Variants in TNC observed in about 807,000 individuals in gnomAD.
TNC encodes the protein tenascin C, also known as tenascin.
In TNC, 109 loss-of-function variants were observed where a neutral mutation model predicts 202.4. The observed-to-expected ratio is 0.54, with a 90% CI of 0.46 to 0.63. The LOEUF is 0.63. TNC is among the 30% of genes least tolerant of loss of function. The probability of loss-of-function intolerance (pLI) is 0.00; values close to 1 mark genes in which losing one functional copy is unlikely to be tolerated. For synonymous variants in TNC, 1,007 were observed against 1,089.7 expected, an observed-to-expected ratio of 0.92 and a Z score of 1.50; for missense variants, 2,756 against 2,833.3, an observed-to-expected ratio of 0.97 and a Z score of 0.62.
intron 1 of TNC, among the ~76,000 whole-genome samples, chr9:115,100,874 C>A (rs1836177941): frequency 6.6e-6 from 1 of 151,960 alleles, no homozygotes. Context: ...TTTAATTTGT[C>A]AATTATACCT....
chr9:115,117,164 T>C (rs926146904), intron 1 of TNC, among the ~76,000 whole-genome samples: 1 of 152,230 alleles, frequency 6.6e-6, no homozygotes, highest in Admixed American at 6.5e-5. Context: ...CAAACACCTC[T>C]GGCTTCAAAC....
At chr9:115,090,532 T>A in intron 2 of TNC, 30 bp downstream of exon 2, 1 of 1,518,188 alleles carries the variant, frequency 6.6e-7, no homozygotes, top group Non-Finnish European at 8.9e-7. Context: ...GTTTGCACAG[T>A]GTGGGACTGG....
In TNC at chr9:115,073,619, A is replaced by G; in HGVS notation, c.3198T>C (p.Arg1066=). The change falls in exon 10 of 28, where the codon CGT becomes CGC. Residue 1066 remains arginine, a synonymous_variant. Transcript: ENST00000350763. ...CAGACTCACCAGTGGATGCCTTCAC[A>G]CGTGCGGGCTTGCTCTTGTGTCTGC... ...EKGRHKSKPA[R]VKASTEQAPE... 1.2e-6 allele frequency: 2 copies of G among 1,613,848 alleles called. No individual in the cohort carries two copies. Among genetic ancestry groups the G allele is most frequent in the Non-Finnish European group, 1.7e-6 (2 of 1,179,826 alleles).
chr9:115,032,122 GT>G (rs567697217), intron 22 of TNC, among the ~76,000 whole-genome samples: 7 of 151,256 alleles, frequency 4.6e-5, no homozygotes, highest in Admixed American at 6.6e-5. Flanking sequence ...TGTGAAGGGG[GT>G]TTTTTTTTGG....
chr9:115,094,800 G>T (rs1564136297), intron 1 of TNC, among the ~76,000 whole-genome samples: 1 of 148,288 alleles, frequency 6.7e-6, no homozygotes, highest in Non-Finnish European at 1.5e-5. Context: ...TAGCCCCTAA[G>T]GACAGAACAA....
intron 2 of TNC, among the ~76,000 whole-genome samples, chr9:115,089,650 A>G (rs765669587): frequency 6.6e-6 from 1 of 152,072 alleles, no homozygotes; most frequent in Non-Finnish European, 1.5e-5. Flanking sequence ...ACAGGCATGC[A>G]CCACCACACC....
rs753525900 is a variant in TNC at position 115,075,996 on chromosome 9, C to G, written c.2950+36G>C. ...TGACTCTGTCTCATCTGCCCAGCAC[C>G]AGCTCAGTGGGATGGGAATTCCAGG... On this transcript the variant is annotated intron_variant, in intron 9 of 27. Transcript: ENST00000350763. The G allele has an allele frequency of 3.2e-6, 5 of 1,577,152 alleles. No individual in the cohort carries two copies. The Admixed American group carries it at 8.3e-5, about 26-fold the overall frequency.
At position 115,086,359 on chromosome 9, in the gene TNC, G is replaced by T. The variant is rs1834730467; in HGVS notation, c.1372C>A (p.Gln458Lys). 2 of 1,613,920 alleles carry T rather than the reference G, an allele frequency of 1.2e-6. No individual in the cohort carries two copies. Among genetic ancestry groups the T allele is most frequent in the African/African-American group, 2.7e-5 (2 of 74,948 alleles). The change falls in exon 3 of 28, where the codon CAA (glutamine) becomes AAA (lysine). Residue 458 changes from glutamine to lysine, a missense_variant. Gln to Lys is a moderately conservative substitution (Grantham distance 53). Transcript: ENST00000350763. ...RCVEGKCVCE[Q>K]GFKGYDCSDM... Reference sequence around the variant, plus strand: ...CTGCAGTCATAGCCCTTGAAGCCTTGCTCACATACACATTTGCCCTCGACA... The same window carrying T: ...CTGCAGTCATAGCCCTTGAAGCCTTTCTCACATACACATTTGCCCTCGACA...
Position 115,076,471 on chromosome 9 carries a change from A to G in TNC, c.2779T>C (p.Tyr927His). 6.2e-7 allele frequency: 1 copy of G among 1,614,204 alleles called. No homozygotes were observed. The highest frequency in any genetic ancestry group is 2.2e-5 in the East Asian group (1 of 44,888). Residue 927 changes from tyrosine (Y) to histidine (H), a missense_variant, in exon 8 of 28, where the codon TAT becomes CAT. This residue lies in a region of TNC where 2,559 missense variants were observed against 2,546.0 expected (regional missense o/e 1.01). Transcript: ENST00000350763. ...TGGTCCCCTCCAGAGATGGGGGCAT[A>G]CTTAATTCTGTAACTGTCAATAGCT... Reference protein sequence around the residue: ...KAAIDSYRIKYAPISGGDHAE... With the variant: ...KAAIDSYRIKHAPISGGDHAE...
At chr9:115,034,622 C>A (rs1176914319) in intron 22 of TNC, among the ~76,000 whole-genome samples, 1 of 152,122 alleles carries the variant, frequency 6.6e-6, no homozygotes, top group Non-Finnish European at 1.5e-5. Flanking sequence ...AGCAAAAGAT[C>A]TTGGAAATAT....
intron 1 of TNC, among the ~76,000 whole-genome samples, chr9:115,101,819 G>A (rs931004521): frequency 6.6e-6 from 1 of 152,220 alleles, no homozygotes; most frequent in East Asian, 1.9e-4. Context: ...TTTGCACTGG[G>A]AAGTTCATGG....
chr9:115,117,578 T>C (rs1302663827), intron 1 of TNC, among the ~76,000 whole-genome samples: 1 of 152,152 alleles, frequency 6.6e-6, no homozygotes, highest in African/African-American at 2.4e-5. Flanking sequence ...AAACTCCCTC[T>C]AACCCATCCC....
chr9:115,078,602 T>C (rs553865181), intron 6 of TNC, among the ~76,000 whole-genome samples: 1 of 152,216 alleles, frequency 6.6e-6, no homozygotes, highest in Non-Finnish European at 1.5e-5. Flanking sequence ...TTAGTCTCTT[T>C]AAATTTTTAA....
intron 13 of TNC, 92 bp downstream of exon 13, chr9:115,062,825 G>C: frequency 7.1e-7 from 1 of 1,410,084 alleles, no homozygotes; most frequent in South Asian, 1.4e-5. Context: ...CAACAACATT[G>C]GGGTAGGATT....
chr9:115,024,252 G>T, intron 26 of TNC, 116 bp from the exon 27 acceptor site: 1 of 1,041,442 alleles, frequency 9.6e-7, no homozygotes, highest in Non-Finnish European at 1.4e-6. Context: ...GACTGGCCTT[G>T]AACATTGATC....
At chr9:115,117,308 G>T (rs1837540932) in intron 1 of TNC, among the ~76,000 whole-genome samples, 1 of 152,092 alleles carries the variant, frequency 6.6e-6, no homozygotes, top group African/African-American at 2.4e-5. Flanking sequence ...TGAGAGGTGA[G>T]GAGGAGGAGG....
intron 1 of TNC, among the ~76,000 whole-genome samples, chr9:115,107,017 C>T (rs1172240113): frequency 1.3e-5 from 2 of 151,938 alleles, no homozygotes; most frequent in Admixed American, 6.6e-5. Context: ...AATCATTATT[C>T]TGAACTTCTT....
At chr9:115,056,060 G>C (rs2132410012) in intron 15 of TNC, among the ~76,000 whole-genome samples, 1 of 152,290 alleles carries the variant, frequency 6.6e-6, no homozygotes, top group East Asian at 1.9e-4. Context: ...AATGAGGACA[G>C]ACCCTCTCTC....
chr9:115,051,711 C>T (rs1330363), intron 15 of TNC, among the ~76,000 whole-genome samples: 93,488 of 151,196 alleles, frequency 0.62, 29,235 homozygotes, highest in African/African-American at 0.7. Flanking sequence ...ATATGAACTG[C>T]GTTACCTAGC....
Sources: allele counts gnomAD v4.1 joint callset (sites outside exome capture counted in the v4.1 genomes callset), GRCh38; gene constraint gnomAD v4.1.1; regional missense constraint gnomAD v4.1.1; transcripts MANE v1.5; gene names NCBI Gene and HGNC (gene_info 2026-07-23, HGNC 2026-07-21).